The following SGCD variants were observed in gnomAD, a reference collection of about 807,000 sequenced individuals.
The protein encoded by SGCD is sarcoglycan delta, also known as delta-sarcoglycan.
In SGCD, 18 loss-of-function variants were observed where a neutral mutation model predicts 36.6. The ratio of observed to expected loss-of-function variants is 0.49; its 90% confidence interval spans 0.34 to 0.73. SGCD has a LOEUF of 0.73. Among genes scored for constraint, SGCD ranks in the 30% least tolerant of loss-of-function variants. The pLI, the probability that SGCD is intolerant of heterozygous loss-of-function variation, is 0.01. For missense variants in SGCD, 387 were observed against 346.7 expected (o/e 1.12, Z -0.92); for synonymous variants, 133 against 130.6 (o/e 1.02, Z -0.12).
intron 4 of SGCD, among the ~76,000 whole-genome samples, chr5:156,579,055 A>G (rs1760119036): frequency 6.6e-6 from 1 of 152,218 alleles, no homozygotes; most frequent in Non-Finnish European, 1.5e-5. Context: ...ATTTAGTGCT[A>G]TAAATTTCCC....
chr5:156,342,888 C>A (rs1768738972), intron 2 of SGCD, among the ~76,000 whole-genome samples: 2 of 152,218 alleles, frequency 1.3e-5, no homozygotes, highest in Non-Finnish European at 1.5e-5. Flanking sequence ...TCCATTCAAT[C>A]ATTCCACACA....
intron 6 of SGCD, among the ~76,000 whole-genome samples, chr5:156,616,951 A>G (rs917487879): frequency 2.0e-5 from 3 of 152,188 alleles, no homozygotes; most frequent in Admixed American, 2.0e-4. Context: ...AAAGACTAAA[A>G]TATCTACTAT....
At chr5:156,633,942 C>T (rs989575451) in intron 6 of SGCD, among the ~76,000 whole-genome samples, 1 of 152,108 alleles carries the variant, frequency 6.6e-6, no homozygotes, top group Non-Finnish European at 1.5e-5. Flanking sequence ...AGGTGTGGGC[C>T]AAGGGTACTG....
intron 3 of SGCD, among the ~76,000 whole-genome samples, chr5:156,501,790 A>T (rs1756464916): frequency 6.6e-6 from 1 of 152,220 alleles, no homozygotes; most frequent in Non-Finnish European, 1.5e-5. Flanking sequence ...CAGGGCTTTC[A>T]GAATTCTTGT....
intron 1 of SGCD, among the ~76,000 whole-genome samples, chr5:156,099,319 G>A (rs1761462286): frequency 6.6e-6 from 1 of 152,140 alleles, no homozygotes; most frequent in Non-Finnish European, 1.5e-5. Flanking sequence ...CTGCTTATTT[G>A]TTTATGTGTC....
At chr5:155,944,414 A>G (rs2113416882) in intron 1 of SGCD, among the ~76,000 whole-genome samples, 1 of 152,280 alleles carries the variant, frequency 6.6e-6, no homozygotes, top group African/African-American at 2.4e-5. Flanking sequence ...CTGTATACAC[A>G]CGTGTTTTTT....
intron 1 of SGCD, among the ~76,000 whole-genome samples, chr5:156,028,668 TA>T (rs1759275657): frequency 6.6e-6 from 1 of 152,302 alleles, no homozygotes; most frequent in Admixed American, 6.5e-5. Flanking sequence ...CTTCTGTATA[TA>T]ATGAAGGCAG....
In SGCD at chr5:156,565,654, G is replaced by A. The variant is rs543452739; in HGVS notation, c.295-23577G>A. ...GGTGGTTTGCTGCACCCATCAGCCC[G>A]TCATCTACATTAGGTATTTCTCCTA... On this transcript the variant is annotated intron_variant, in intron 4 of 8. Coordinates refer to ENST00000337851, the MANE Select transcript of SGCD (RefSeq NM_000337.6). Among the ~76,000 whole-genome samples the A allele has an allele frequency of 5.8e-4, 88 of 152,008 alleles. 1 individual carries two copies. Among genetic ancestry groups the A allele is most frequent in the Non-Finnish European group, 5.0e-4 (34 of 67,996 alleles).
chr5:156,580,417 C>G (rs1381033191), intron 4 of SGCD, among the ~76,000 whole-genome samples: 7 of 152,136 alleles, frequency 4.6e-5, no homozygotes, highest in African/African-American at 1.7e-4. Context: ...TGAGGAGTAT[C>G]TTTGTGGTGT....
At chr5:155,935,057 T>G (rs1757168746) in intron 1 of SGCD, among the ~76,000 whole-genome samples, 1 of 152,208 alleles carries the variant, frequency 6.6e-6, no homozygotes, top group African/African-American at 2.4e-5. Flanking sequence ...ATTTTGTGAC[T>G]AGTTTTGGGG....
chr5:155,738,641 AGT>A, the SGCD span, among the ~76,000 whole-genome samples: 10 of 151,296 alleles, frequency 6.6e-5, no homozygotes, highest in African/African-American at 2.2e-4. Flanking sequence ...AGTCTGTGAG[AGT>A]GTGTGTGTGT....
At chr5:156,485,622 C>T (rs1755625249) in intron 3 of SGCD, among the ~76,000 whole-genome samples, 1 of 152,086 alleles carries the variant, frequency 6.6e-6, no homozygotes, top group Admixed American at 6.5e-5. Flanking sequence ...CGCCATTGCA[C>T]TCTAGCCTGG....
chr5:156,706,272 T>C (rs1415690988), intron 7 of SGCD, among the ~76,000 whole-genome samples: 1 of 152,196 alleles, frequency 6.6e-6, no homozygotes, highest in Non-Finnish European at 1.5e-5. Flanking sequence ...CTCACTCTGA[T>C]TGTTTATCTC....
At chr5:156,342,633 C>T (rs1273570592) in intron 2 of SGCD, among the ~76,000 whole-genome samples, 1 of 152,208 alleles carries the variant, frequency 6.6e-6, no homozygotes, top group Non-Finnish European at 1.5e-5. Flanking sequence ...CTTCTTATAA[C>T]ACATCCCTGA....
chr5:156,188,042 G>A lies in SGCD; in HGVS notation c.-44+64023G>A, dbSNP rs534705739. Reference sequence around the variant, plus strand: ...GAATTCAAGGAGGCTGTCATGTTCGGGGTCATGCTAGTGCAGGGGGGCCTA... The same window carrying A: ...GAATTCAAGGAGGCTGTCATGTTCGAGGTCATGCTAGTGCAGGGGGGCCTA... On this transcript the variant is annotated intron_variant, in intron 3 of 9. Coordinates refer to the SGCD transcript ENST00000517913. Among the ~76,000 whole-genome samples, 6 of 152,250 alleles carry A rather than the reference G, an allele frequency of 3.9e-5. No individual in the cohort carries two copies. In the South Asian group the frequency reaches 1.0e-3, roughly 26 times the overall value.
At chr5:156,698,603 T>A (rs2113723612) in intron 7 of SGCD, among the ~76,000 whole-genome samples, 1 of 152,282 alleles carries the variant, frequency 6.6e-6, no homozygotes, top group South Asian at 2.1e-4. Flanking sequence ...GATTATGCCT[T>A]ACTGCAGGAG....
intron 2 of SGCD, among the ~76,000 whole-genome samples, chr5:156,337,252 T>C (rs2127710270): frequency 6.6e-6 from 1 of 152,352 alleles, no homozygotes; most frequent in Admixed American, 6.5e-5. Flanking sequence ...CTCCTATTTA[T>C]ATAAACTGGT....
intron 3 of SGCD, among the ~76,000 whole-genome samples, chr5:156,196,829 T>C (rs956334135): frequency 3.3e-5 from 5 of 152,220 alleles, no homozygotes; most frequent in African/African-American, 1.2e-4. Flanking sequence ...AAACCTGCCT[T>C]AGCACACTAA....
chr5:156,342,434 G>C (rs906671426), intron 2 of SGCD, among the ~76,000 whole-genome samples: 1 of 152,192 alleles, frequency 6.6e-6, no homozygotes, highest in African/African-American at 2.4e-5. Flanking sequence ...TTCACAATTA[G>C]TTGATTAATA....
Sources: gnomAD v4.1 joint callset for allele counts (sites outside exome capture counted in the v4.1 genomes callset) on GRCh38, gnomAD v4.1.1 for gene constraint, MANE v1.5 for transcripts, NCBI Gene and HGNC (gene_info 2026-07-23, HGNC 2026-07-21) for gene names.